The following ADARB1 variants were observed in gnomAD, a reference collection of about 807,000 sequenced individuals.
The protein encoded by ADARB1 is adenosine deaminase RNA specific B1.
A neutral mutation model predicts 52.4 loss-of-function variants in ADARB1; 10 were observed. That is an observed-to-expected ratio of 0.19 (90% CI 0.12 to 0.32). ADARB1 has a LOEUF of 0.32. Among genes scored for constraint, ADARB1 ranks in the 10% least tolerant of loss-of-function variants. The pLI is 1.00. For synonymous variants in ADARB1, 349 were observed against 371.1 expected (o/e 0.94, Z 0.68); for missense variants, 643 against 922.3 (o/e 0.70, Z 3.92).
chr21:45,191,880 A>ATATATATATATATTTTTTTT (rs1601874792), intron 8 of ADARB1, among the ~76,000 whole-genome samples: 1 of 15,748 alleles, frequency 6.4e-5, no homozygotes, highest in African/African-American at 1.7e-4. Flanking sequence ...ATATATATAT[A>ATATATATATATATTTTTTTT]TTTTTTTTTT....
intron 3 of ADARB1, among the ~76,000 whole-genome samples, chr21:45,171,953 C>G (rs2091499408): frequency 6.6e-6 from 1 of 152,208 alleles, no homozygotes; most frequent in Non-Finnish European, 1.5e-5. Context: ...TGAAGCCCCA[C>G]TGTTTCATGT....
At chr21:45,109,376 G>C (rs2838785) in intron 1 of ADARB1, among the ~76,000 whole-genome samples, 4,193 of 152,368 alleles carry the variant, frequency 0.028, 55 homozygotes, top group South Asian at 0.052. Context: ...GCACCACCGA[G>C]TTGTCATGAA....
chr21:45,222,287 A>G lies in ADARB1; in HGVS notation c.*90A>G. The G allele has an allele frequency of 3.8e-6, 5 of 1,315,920 alleles. No individual in the cohort carries two copies. In the South Asian group the frequency reaches 7.7e-5, roughly 20 times the overall value. 81.5% of individuals were successfully genotyped at this position (1,315,920 alleles called of 1,614,324 possible). On this transcript the variant is annotated 3_prime_UTR_variant, in exon 11 of 11. Coordinates refer to ENST00000348831, the MANE Select transcript of ADARB1 (RefSeq NM_001112.4). Reference sequence around the variant, plus strand: ...ACATCTGAACTGGGGGCAGGTGCATACCTTGGGGAGGGAGTAGGGGGACAC... The same window carrying G: ...ACATCTGAACTGGGGGCAGGTGCATGCCTTGGGGAGGGAGTAGGGGGACAC...
intron 1 of ADARB1, among the ~76,000 whole-genome samples, chr21:45,092,986 C>A (rs1482415700): frequency 6.6e-6 from 1 of 152,000 alleles, no homozygotes; most frequent in African/African-American, 2.4e-5. Context: ...TATCTCAGTC[C>A]CATTTCTATA....
At chr21:45,162,518 G>C (rs2091026317) in intron 2 of ADARB1, among the ~76,000 whole-genome samples, 1 of 152,118 alleles carries the variant, frequency 6.6e-6, no homozygotes, top group African/African-American at 2.4e-5. Flanking sequence ...GCAAAACTCG[G>C]GTAAAGGCGC....
intron 1 of ADARB1, among the ~76,000 whole-genome samples, chr21:45,115,443 A>G (rs2087774154): frequency 6.6e-6 from 1 of 152,208 alleles, no homozygotes; most frequent in Non-Finnish European, 1.5e-5. Context: ...TCTCTGGATC[A>G]CTCAACTTGT....
chr21:45,094,471 A>G (rs1170821948), intron 1 of ADARB1, among the ~76,000 whole-genome samples: 2 of 152,214 alleles, frequency 1.3e-5, no homozygotes, highest in Non-Finnish European at 1.5e-5. Context: ...GGGGAGATAC[A>G]TTTGGTTGTT....
chr21:45,221,406 T>G lies in ADARB1; in HGVS notation c.1926+392T>G, dbSNP rs1372351241. Among the ~76,000 whole-genome samples, 1 of 152,178 alleles carries G rather than the reference T, an allele frequency of 6.6e-6. No individual in the cohort carries two copies. Among genetic ancestry groups the G allele is most frequent in the Admixed American group, 6.5e-5 (1 of 15,290 alleles). On this transcript the variant is annotated intron_variant, in intron 10 of 10. Coordinates refer to ENST00000348831, the MANE Select transcript of ADARB1 (RefSeq NM_001112.4). The surrounding 1 kb of genome is among the most constrained non-coding windows in gnomAD (Gnocchi z 4.9). ...AACCCTCCAGTGGAGTTTTTAAACC[T>G]TTTGAATTAGCTGTGGGGCCCTTTT... is the stretch of plus-strand genomic sequence containing the variant.
intron 1 of ADARB1, among the ~76,000 whole-genome samples, chr21:45,119,548 G>A (rs543553054): frequency 6.6e-5 from 10 of 152,302 alleles, no homozygotes; most frequent in East Asian, 1.9e-4. Context: ...CTTATGAGAC[G>A]TGTTGTTCTT....
intron 1 of ADARB1, among the ~76,000 whole-genome samples, chr21:45,077,856 A>G (rs1410856954): frequency 6.6e-6 from 1 of 152,206 alleles, no homozygotes; most frequent in Non-Finnish European, 1.5e-5. Context: ...CAGTGAAATC[A>G]TTAAGATTCC....
chr21:45,179,434 T>C (rs915651328), intron 4 of ADARB1, among the ~76,000 whole-genome samples: 2 of 152,218 alleles, frequency 1.3e-5, no homozygotes, highest in Non-Finnish European at 2.9e-5. Context: ...GTGAAATTGG[T>C]GGGACATGAG....
chr21:45,195,726 T>C (rs2092409835), intron 8 of ADARB1, among the ~76,000 whole-genome samples: 1 of 152,192 alleles, frequency 6.6e-6, no homozygotes, highest in Non-Finnish European at 1.5e-5. Flanking sequence ...ACTGTATTTA[T>C]GTAGGTCTGT....
chr21:45,215,675 C>T (rs2092848928), intron 9 of ADARB1, among the ~76,000 whole-genome samples: 1 of 152,144 alleles, frequency 6.6e-6, no homozygotes, highest in Non-Finnish European at 1.5e-5. Context: ...AAAAATTAAA[C>T]CAACTTTGCA....
At chr21:45,215,567 T>A (rs2092846782) in intron 9 of ADARB1, among the ~76,000 whole-genome samples, 1 of 152,078 alleles carries the variant, frequency 6.6e-6, no homozygotes, top group African/African-American at 2.4e-5. Context: ...TTTGAGGCCA[T>A]CCTGGGCAAT....
At position 45,204,910 on chromosome 21, in the gene ADARB1, G is replaced by C. The variant is rs73907271; in HGVS notation, c.1747+174G>C. Among the ~76,000 whole-genome samples the C allele has an allele frequency of 9.9e-3, 1,511 of 152,192 alleles. 25 individuals carry two copies. The highest frequency in any genetic ancestry group is 0.033 in the African/African-American group (1,373 of 41,510). On this transcript the variant is annotated intron_variant, in intron 9 of 10. Transcript: ENST00000348831. The surrounding 1 kb of genome is among the most constrained non-coding windows in gnomAD (Gnocchi z 4.4). ...TGAGGCTCTCCGGGCCTTGTCTCTA[G>C]GGCCTTTTAAGTGAGTCTCTCTGTA...
intron 2 of ADARB1, among the ~76,000 whole-genome samples, chr21:45,147,974 G>A (rs952414343): frequency 7.9e-5 from 12 of 151,892 alleles, no homozygotes; most frequent in African/African-American, 2.7e-4. Flanking sequence ...AGGCTCCGTC[G>A]AGTGATGTGC....
chr21:45,145,357 G>A (rs912847257), intron 2 of ADARB1: 1 of 152,588 alleles, frequency 6.6e-6, no homozygotes, highest in Non-Finnish European at 1.5e-5. Context: ...TGGGGTTTCT[G>A]TGGGAAAGGC....
At chr21:45,115,195 T>C (rs1346045402) in intron 1 of ADARB1, among the ~76,000 whole-genome samples, 1 of 152,220 alleles carries the variant, frequency 6.6e-6, no homozygotes, top group Non-Finnish European at 1.5e-5. Flanking sequence ...GTTTTGGATG[T>C]TTGACCTCAT....
At chr21:45,087,976 C>T (rs909613346) in intron 1 of ADARB1, among the ~76,000 whole-genome samples, 2 of 152,092 alleles carry the variant, frequency 1.3e-5, no homozygotes, top group African/African-American at 2.4e-5. Context: ...TAAGCAGAAT[C>T]GTAGTGGATA....
Sources: allele counts gnomAD v4.1 joint callset (sites outside exome capture counted in the v4.1 genomes callset), GRCh38; gene constraint gnomAD v4.1.1; non-coding constraint Gnocchi (gnomAD v3.1); transcripts MANE v1.5; gene names NCBI Gene and HGNC (gene_info 2026-07-23, HGNC 2026-07-21).